Variants in CALN1 observed in about 807,000 individuals in gnomAD.
The protein encoded by CALN1 is calcium-binding protein 8.
Under a neutral mutation model 30.6 loss-of-function variants are expected in CALN1, and 17 were observed. The ratio of observed to expected loss-of-function variants is 0.56; its 90% CI spans 0.38 to 0.83. CALN1 has a LOEUF of 0.83. Ranked by LOEUF, CALN1 falls within the 40% of genes least tolerant of loss-of-function variation. The pLI is 0.00. For missense variants in CALN1, 291 were observed against 354.9 expected (o/e 0.82, Z 1.45); for synonymous variants, 156 against 131.4 (o/e 1.19, Z -1.28).
chr7:72,422,158 T>C lies in CALN1; in HGVS notation c.-225-9883A>G, dbSNP rs1807633105. Among the ~76,000 whole-genome samples the C allele has an allele frequency of 3.3e-5, 5 of 152,224 alleles. No individual in the cohort carries two copies. The South Asian group carries it at 8.3e-4, about 25-fold the overall frequency. On this transcript the variant is annotated intron_variant, in intron 1 of 6. Transcript: ENST00000395276. ...AGTAAATAGCCAGTAGTGGGATTAC[T>C]GGATCAAATGGCAAATCTACTTTTA...
intron 5 of CALN1, among the ~76,000 whole-genome samples, chr7:71,825,358 A>T (rs1425527101): frequency 6.6e-6 from 1 of 152,190 alleles, no homozygotes; most frequent in African/African-American, 2.4e-5. Context: ...AATAAGTCTC[A>T]TGAGATCTGG....
At chr7:72,027,331 G>A (rs1041208946) in intron 4 of CALN1, among the ~76,000 whole-genome samples, 1 of 152,074 alleles carries the variant, frequency 6.6e-6, no homozygotes, top group Admixed American at 6.5e-5. Context: ...ATCAGCAGTG[G>A]GCATCATCTC....
intron 3 of CALN1, among the ~76,000 whole-genome samples, chr7:72,168,343 T>C (rs532713277): frequency 2.0e-5 from 3 of 152,334 alleles, no homozygotes; most frequent in South Asian, 2.1e-4. Context: ...GGTTGATTAT[T>C]TGTGAACTAG....
At chr7:72,134,534 CTT>C (rs769506547) in intron 3 of CALN1, among the ~76,000 whole-genome samples, 11 of 152,314 alleles carry the variant, frequency 7.2e-5, no homozygotes, top group Non-Finnish European at 1.5e-4. Flanking sequence ...TTACATTATA[CTT>C]TTGTCTATTA....
intron 3 of CALN1, among the ~76,000 whole-genome samples, chr7:72,114,305 A>G (rs868017597): frequency 3.5e-4 from 40 of 115,876 alleles, no homozygotes; most frequent in Admixed American, 1.2e-3. Flanking sequence ...AAGGGAAGGG[A>G]AGGGAAGGCA....
intron 5 of CALN1, among the ~76,000 whole-genome samples, chr7:71,825,796 GC>G (rs2116361780): frequency 6.6e-6 from 1 of 152,128 alleles, no homozygotes; most frequent in East Asian, 1.9e-4. Context: ...ACTCTGAGAG[GC>G]CGAGGCAGGC....
chr7:72,126,967 A>G (rs1276577355), intron 3 of CALN1, among the ~76,000 whole-genome samples: 1 of 152,064 alleles, frequency 6.6e-6, no homozygotes, highest in Non-Finnish European at 1.5e-5. Flanking sequence ...CTGTTCCCCA[A>G]TAACTATTGA....
intron 3 of CALN1, among the ~76,000 whole-genome samples, chr7:72,169,433 T>C (rs1788775832): frequency 6.6e-6 from 1 of 151,536 alleles, no homozygotes; most frequent in South Asian, 2.1e-4. Flanking sequence ...GATTCTCCTG[T>C]CTCAGCTTCC....
chr7:72,391,058 G>A (rs1318496504), intron 2 of CALN1, among the ~76,000 whole-genome samples: 1 of 152,038 alleles, frequency 6.6e-6, no homozygotes, highest in East Asian at 1.9e-4. Flanking sequence ...CCAAGCCTTC[G>A]GTAAAATCTG....
chr7:72,168,558 G>A (rs1002789784), intron 3 of CALN1, among the ~76,000 whole-genome samples: 7 of 152,026 alleles, frequency 4.6e-5, no homozygotes, highest in African/African-American at 1.7e-4. Context: ...GAAGCTAGAC[G>A]TGGCACCCAT....
At chr7:72,428,005 GC>G (rs946104512) in intron 1 of CALN1, among the ~76,000 whole-genome samples, 1 of 152,046 alleles carries the variant, frequency 6.6e-6, no homozygotes, top group African/African-American at 2.4e-5. Flanking sequence ...GGGTGCTCCT[GC>G]CCCACCACGC....
intron 2 of CALN1, among the ~76,000 whole-genome samples, chr7:72,300,798 G>A (rs1367875672): frequency 1.3e-5 from 2 of 152,122 alleles, no homozygotes; most frequent in African/African-American, 4.8e-5. Context: ...TTCGAGACCA[G>A]CCTGGCCAAC....
chr7:72,044,095 A>G (rs1486308595), intron 4 of CALN1, among the ~76,000 whole-genome samples: 1 of 152,020 alleles, frequency 6.6e-6, no homozygotes, highest in Non-Finnish European at 1.5e-5. Flanking sequence ...GGAATTCAAG[A>G]TGAGATTTGG....
chr7:72,207,236 C>T (rs992922061), intron 3 of CALN1, among the ~76,000 whole-genome samples: 3 of 152,196 alleles, frequency 2.0e-5, no homozygotes, highest in African/African-American at 7.2e-5. Context: ...CCCTCTGTCT[C>T]TTTGTCGGCG....
At chr7:71,821,673 C>A (rs1230010413) in intron 5 of CALN1, among the ~76,000 whole-genome samples, 1 of 152,146 alleles carries the variant, frequency 6.6e-6, no homozygotes, top group East Asian at 1.9e-4. Flanking sequence ...TCATTATACA[C>A]GGTCTTTAAA....
At chr7:72,426,196 G>A (rs746962242) in intron 1 of CALN1, among the ~76,000 whole-genome samples, 1 of 152,248 alleles carries the variant, frequency 6.6e-6, no homozygotes, top group African/African-American at 2.4e-5. Context: ...AAGAAGGTGA[G>A]GGGCCCAGGC....
At position 71,978,262 on chromosome 7, in the gene CALN1, CTTT is replaced by C. The variant is rs1010635078; in HGVS notation, c.501+45392_501+45394del. 3.6e-4 allele frequency among the ~76,000 whole-genome samples: 26 copies of C among 72,930 alleles called. No homozygotes were observed. In the East Asian group the frequency reaches 4.8e-3, roughly 13 times the overall value. The allele number at this position is 72,930 out of a possible 152,430, so 47.8% of individuals were successfully genotyped here. A position where few individuals can be genotyped will look rare whatever the true frequency, so the allele number is the denominator to read the frequency against. On this transcript the variant is annotated intron_variant, in intron 5 of 6. Transcript: ENST00000395275. The stretch of plus-strand genomic sequence containing the variant: ...AAAAACTCAGGGACTCTAGAGAATT[CTTT>C]TTTTTTTTTTTTTTTTTTTTTTTTG...
At chr7:71,967,318 A>T (rs1159616906) in intron 5 of CALN1, among the ~76,000 whole-genome samples, 1 of 152,152 alleles carries the variant, frequency 6.6e-6, no homozygotes, top group Admixed American at 6.5e-5. Flanking sequence ...GGCAGAAAAT[A>T]TCACAAAACA....
At chr7:72,345,479 G>C (rs918265920) in intron 2 of CALN1, among the ~76,000 whole-genome samples, 3 of 145,378 alleles carry the variant, frequency 2.1e-5, no homozygotes, top group African/African-American at 7.6e-5. Flanking sequence ...AGAGGGAAGG[G>C]AAGGGAAGGG....
Sources: gnomAD v4.1 joint callset for allele counts (sites outside exome capture counted in the v4.1 genomes callset) on GRCh38, gnomAD v4.1.1 for gene constraint, MANE v1.5 for transcripts, NCBI Gene and HGNC (gene_info 2026-07-23, HGNC 2026-07-21) for gene names.